Variants in KCNQ3 observed in about 807,000 individuals in gnomAD.
KCNQ3 encodes the protein potassium voltage-gated channel subfamily KQT member 3.
A neutral mutation model predicts 92.5 loss-of-function variants in KCNQ3; 30 were observed. The ratio of observed to expected loss-of-function variants is 0.32; its 90% CI spans 0.24 to 0.44. The LOEUF is 0.44. Ranked by LOEUF, KCNQ3 falls within the 20% of genes least tolerant of loss-of-function variation. The probability of loss-of-function intolerance (pLI) is 1.00; values close to 1 mark genes in which losing one functional copy is unlikely to be tolerated. For missense variants in KCNQ3, 913 were observed against 1,140.3 expected, an observed-to-expected ratio of 0.80 and a Z score of 2.87; for synonymous variants, 450 against 468.8, an observed-to-expected ratio of 0.96 and a Z score of 0.52.
chr8:132,324,143 A>G (rs1340840407), intron 1 of KCNQ3, among the ~76,000 whole-genome samples: 11 of 152,158 alleles, frequency 7.2e-5, no homozygotes, highest in Non-Finnish European at 4.4e-5. Flanking sequence ...CCTTCAAGCC[A>G]TTCAATACCA....
intron 1 of KCNQ3, among the ~76,000 whole-genome samples, chr8:132,352,021 T>C (rs1185748529): frequency 6.6e-6 from 1 of 152,152 alleles, no homozygotes; most frequent in East Asian, 1.9e-4. Context: ...GTGCAGAACA[T>C]ACCATTTGCC....
At chr8:132,175,200 A>G (rs1019402246) in intron 5 of KCNQ3, among the ~76,000 whole-genome samples, 7 of 152,224 alleles carry the variant, frequency 4.6e-5, no homozygotes, top group African/African-American at 1.4e-4. Flanking sequence ...AATAAGGCTA[A>G]GTCCATAAAC....
intron 1 of KCNQ3, among the ~76,000 whole-genome samples, chr8:132,403,022 A>AAAAAAAAAAAAAAC (rs1563897231): frequency 1.9e-4 from 28 of 149,186 alleles, no homozygotes; most frequent in African/African-American, 6.0e-4. Flanking sequence ...ATCACAAAAA[A>AAAAAAAAAAAAAAC]AAAAAAAAAA....
chr8:132,283,465 A>C (rs566453686), intron 1 of KCNQ3, among the ~76,000 whole-genome samples: 1 of 152,350 alleles, frequency 6.6e-6, no homozygotes, highest in South Asian at 2.1e-4. Context: ...ACTCAAGTGA[A>C]CAAATGTGAT....
At chr8:132,411,441 C>G (rs572959046) in intron 1 of KCNQ3, among the ~76,000 whole-genome samples, 5 of 152,214 alleles carry the variant, frequency 3.3e-5, no homozygotes, top group Non-Finnish European at 5.9e-5. Flanking sequence ...AAGCCTCTCT[C>G]AGCAGAAAGA....
intron 1 of KCNQ3, among the ~76,000 whole-genome samples, chr8:132,479,477 TCA>T (rs1447608245): frequency 9.9e-5 from 15 of 151,916 alleles, no homozygotes; most frequent in Non-Finnish European, 2.1e-4. Flanking sequence ...CCCCAGCCCC[TCA>T]GTCTAGGCTT....
chr8:132,277,759 C>T (rs180804096), intron 1 of KCNQ3, among the ~76,000 whole-genome samples: 18 of 152,268 alleles, frequency 1.2e-4, no homozygotes, highest in African/African-American at 4.3e-4. Context: ...GAAACCCCAC[C>T]CTGCCCTAGC....
chr8:132,229,041 G>A (rs750303007), intron 1 of KCNQ3, among the ~76,000 whole-genome samples: 2 of 152,140 alleles, frequency 1.3e-5, no homozygotes, highest in Non-Finnish European at 2.9e-5. Flanking sequence ...GGATCACGAG[G>A]TCAAGAGATT....
intron 1 of KCNQ3, among the ~76,000 whole-genome samples, chr8:132,304,045 T>G (rs1396941582): frequency 6.6e-6 from 1 of 151,962 alleles, no homozygotes; most frequent in African/African-American, 2.4e-5. Flanking sequence ...TGAAATAACT[T>G]AAAAACAGAA....
intron 1 of KCNQ3, among the ~76,000 whole-genome samples, chr8:132,318,560 G>A (rs1181575867): frequency 6.6e-6 from 1 of 152,208 alleles, no homozygotes; most frequent in Admixed American, 6.5e-5. Flanking sequence ...GCTGTCATGT[G>A]GTGAGGGGAT....
chr8:132,282,565 TC>T (rs1369094380), intron 1 of KCNQ3, among the ~76,000 whole-genome samples: 1 of 152,092 alleles, frequency 6.6e-6, no homozygotes, highest in Non-Finnish European at 1.5e-5. Context: ...CCTGGAACCA[TC>T]TTTTTGTGTT....
chr8:132,133,547 G>A (rs1824958037), intron 13 of KCNQ3, among the ~76,000 whole-genome samples: 1 of 151,954 alleles, frequency 6.6e-6, no homozygotes, highest in Non-Finnish European at 1.5e-5. Flanking sequence ...GTAGAGATGG[G>A]GTTTCACTAT....
chr8:132,215,317 G>A lies in KCNQ3; in HGVS notation c.387-29136C>T, dbSNP rs1373572125. Among the ~76,000 whole-genome samples the A allele has an allele frequency of 5.3e-5, 8 of 152,226 alleles. No individual in the cohort carries two copies. In the South Asian group the frequency reaches 1.7e-3, roughly 32 times the overall value. On this transcript the variant is annotated intron_variant, in intron 1 of 14. Transcript: ENST00000388996. ...GAAAGAAATATGGAGTTAATTCTAA[G>A]TGTATGGAAGAGAGAAAAATATTTA... is the stretch of plus-strand genomic sequence containing the variant.
chr8:132,396,026 G>A (rs1009796423), intron 1 of KCNQ3, among the ~76,000 whole-genome samples: 3 of 152,134 alleles, frequency 2.0e-5, no homozygotes, highest in African/African-American at 4.8e-5. Context: ...CTCTAATTTC[G>A]GTTTCCTCAT....
At chr8:132,142,398 C>T (rs1825324606) in intron 9 of KCNQ3, among the ~76,000 whole-genome samples, 1 of 152,192 alleles carries the variant, frequency 6.6e-6, no homozygotes. Flanking sequence ...TAGGGATAAG[C>T]ATTCCCTGCT....
In KCNQ3 at chr8:132,263,142, C is replaced by G. The variant is rs185451526; in HGVS notation, c.387-76961G>C. ...GGCGTCACACACTCTTTCCTGTTGG[C>G]TGGTGCTGGCCTCACTGTAGTTTAG... On this transcript the variant is annotated intron_variant, in intron 1 of 14. Transcript: ENST00000388996. Among the ~76,000 whole-genome samples, 639 of 152,318 alleles carry G rather than the reference C, an allele frequency of 4.2e-3. 5 individuals carry two copies. The highest frequency in any genetic ancestry group is 6.0e-3 in the Non-Finnish European group (409 of 68,020).
At chr8:132,475,937 T>C (rs1311968958) in intron 1 of KCNQ3, among the ~76,000 whole-genome samples, 1 of 152,210 alleles carries the variant, frequency 6.6e-6, no homozygotes, top group Non-Finnish European at 1.5e-5. Context: ...AATGGTTTCC[T>C]GGGCCAGGCC....
chr8:132,343,679 T>C (rs778185194), intron 1 of KCNQ3, among the ~76,000 whole-genome samples: 1 of 151,978 alleles, frequency 6.6e-6, no homozygotes, highest in Non-Finnish European at 1.5e-5. Context: ...GAGAGGTTTG[T>C]TTTCCAGCTA....
At chr8:132,411,486 G>A (rs1820651398) in intron 1 of KCNQ3, among the ~76,000 whole-genome samples, 1 of 152,162 alleles carries the variant, frequency 6.6e-6, no homozygotes, top group African/African-American at 2.4e-5. Context: ...AGCTTAAGAA[G>A]CAGCTCTGGA....
Sources: allele counts gnomAD v4.1 joint callset (sites outside exome capture counted in the v4.1 genomes callset), GRCh38; gene constraint gnomAD v4.1.1; transcripts MANE v1.5; gene names NCBI Gene and HGNC (gene_info 2026-07-23, HGNC 2026-07-21).